The following TMEM131 variants were observed in gnomAD, a reference collection of about 807,000 sequenced individuals.
TMEM131 encodes the protein transmembrane protein 131.
In TMEM131, 66 loss-of-function variants were observed where a neutral mutation model predicts 211.6. That is an observed-to-expected ratio of 0.31 (90% CI 0.26 to 0.38). TMEM131 has a LOEUF of 0.38. Ranked by LOEUF, TMEM131 falls within the 10% of genes least tolerant of loss-of-function variation. The pLI is 1.00. For missense variants in TMEM131, 2,036 were observed against 2,299.3 expected (o/e 0.89, Z 2.34); for synonymous variants, 844 against 841.3 (o/e 1.00, Z -0.06).
intron 31 of TMEM131, among the ~76,000 whole-genome samples, chr2:97,777,820 ACCAAACCAAG>A (rs976230144): frequency 4.6e-5 from 7 of 152,018 alleles, no homozygotes; most frequent in South Asian, 2.1e-4. Context: ...GCCTCAAAAA[ACCAAACCAAG>A]CCAAACCAAG....
intron 11 of TMEM131, among the ~76,000 whole-genome samples, chr2:97,832,739 G>A (rs1198889067): frequency 6.6e-6 from 1 of 152,172 alleles, no homozygotes; most frequent in South Asian, 2.1e-4. Flanking sequence ...AGGGAGAGAC[G>A]TTGTGGGCCA....
At chr2:97,966,582 C>T (rs1461061733) in intron 1 of TMEM131, among the ~76,000 whole-genome samples, 2 of 152,126 alleles carry the variant, frequency 1.3e-5, no homozygotes, top group South Asian at 2.1e-4. Context: ...ACATGGATTA[C>T]CTTCAGACTA....
At chr2:97,812,591 C>G (rs1318504395) in intron 16 of TMEM131, 36 bp from the exon 17 acceptor site, 1 of 1,593,306 alleles carries the variant, frequency 6.3e-7, no homozygotes, top group Non-Finnish European at 8.5e-7. Context: ...TATCACAACA[C>G]AAGCATAAAA....
At position 97,814,219 on chromosome 2, in the gene TMEM131, G is replaced by C; in HGVS notation, c.1446+16C>G. On this transcript the variant is annotated intron_variant, in intron 14 of 40. Coordinates refer to ENST00000186436, the MANE Select transcript of TMEM131 (RefSeq NM_015348.2). ...TAGACCAGGAAAATTAAAAGTATGA[G>C]GGCTCCTGGACATACTTTAAACATT... The C allele has an allele frequency of 6.2e-7, 1 of 1,611,210 alleles. No homozygotes were observed. Among genetic ancestry groups the C allele is most frequent in the Non-Finnish European group, 8.5e-7 (1 of 1,178,176 alleles).
At chr2:97,982,043 G>A (rs192901053) in intron 1 of TMEM131, among the ~76,000 whole-genome samples, 2 of 152,262 alleles carry the variant, frequency 1.3e-5, no homozygotes, top group Admixed American at 1.3e-4. Flanking sequence ...TTTCTTTGGA[G>A]TATATACTAA....
At chr2:97,785,190 C>G (rs1275595823) in intron 31 of TMEM131, among the ~76,000 whole-genome samples, 2 of 152,072 alleles carry the variant, frequency 1.3e-5, no homozygotes, top group Non-Finnish European at 2.9e-5. Context: ...ACAAGATGAA[C>G]TCAAAATGAA....
intron 11 of TMEM131, chr2:97,827,239 G>A (rs1226258577): frequency 3.1e-5 from 24 of 767,596 alleles, no homozygotes; most frequent in Admixed American, 2.2e-4. Flanking sequence ...CGCCTTCCCC[G>A]CCGCCAGGAT....
At chr2:97,762,232 G>A (rs1466465363) in intron 35 of TMEM131, 32 bp from the exon 36 acceptor site, 4 of 1,608,884 alleles carry the variant, frequency 2.5e-6, no homozygotes, top group African/African-American at 2.7e-5. Context: ...GCTCGTTAGT[G>A]TGGTGTTTTG....
intron 3 of TMEM131, among the ~76,000 whole-genome samples, chr2:97,907,861 G>A (rs1008137121): frequency 6.6e-6 from 1 of 152,180 alleles, no homozygotes; most frequent in African/African-American, 2.4e-5. Context: ...TGCCTGACTA[G>A]TTGTTTCTGG....
chr2:97,757,496 G>T, intron 40 of TMEM131, 113 bp from the exon 41 acceptor site: 1 of 1,206,452 alleles, frequency 8.3e-7, no homozygotes, highest in Non-Finnish European at 1.1e-6. Flanking sequence ...CTCTTACTTT[G>T]TTTACTTTAG....
intron 2 of TMEM131, among the ~76,000 whole-genome samples, chr2:97,920,704 T>C (rs937292588): frequency 1.4e-4 from 21 of 152,188 alleles, no homozygotes; most frequent in Non-Finnish European, 2.8e-4. Context: ...AGCAATATGC[T>C]TCAACCTAAT....
intron 1 of TMEM131, among the ~76,000 whole-genome samples, chr2:97,994,681 T>C (rs929525603): frequency 2.6e-5 from 4 of 152,194 alleles, no homozygotes; most frequent in African/African-American, 9.7e-5. Context: ...CAAAAAGAGG[T>C]AGTGTAGATG....
intron 35 of TMEM131, among the ~76,000 whole-genome samples, chr2:97,765,882 A>C (rs910878067): frequency 6.6e-6 from 1 of 152,168 alleles, no homozygotes; most frequent in African/African-American, 2.4e-5. Flanking sequence ...GAAAAAAAAA[A>C]AGCCCTGATG....
intron 35 of TMEM131, 183 bp from the exon 36 acceptor site, chr2:97,762,383 C>G (rs1239154918): frequency 1.0e-5 from 6 of 584,900 alleles, no homozygotes; most frequent in Non-Finnish European, 1.4e-5. Context: ...TCTCTCTGCA[C>G]TCGGGGATTT....
At chr2:97,776,972 G>A (rs150274609) in intron 31 of TMEM131, among the ~76,000 whole-genome samples, 2 of 152,334 alleles carry the variant, frequency 1.3e-5, no homozygotes. Context: ...TGGACAGAGA[G>A]TAAAATGGAC....
At chr2:97,964,851 G>A (rs1370662232) in intron 1 of TMEM131, among the ~76,000 whole-genome samples, 2 of 152,084 alleles carry the variant, frequency 1.3e-5, no homozygotes, top group East Asian at 3.8e-4. Context: ...GCAAACTTTG[G>A]GAAAACACTG....
intron 4 of TMEM131, among the ~76,000 whole-genome samples, chr2:97,875,952 CAA>C (rs1221756603): frequency 6.6e-6 from 1 of 152,008 alleles, no homozygotes; most frequent in Middle Eastern, 3.2e-3. Context: ...AAAAGGTCAA[CAA>C]AATAGATAGA....
intron 2 of TMEM131, among the ~76,000 whole-genome samples, chr2:97,916,146 C>T (rs940043090): frequency 8.5e-5 from 13 of 152,106 alleles, no homozygotes; most frequent in Non-Finnish European, 1.8e-4. Context: ...AAACTCCTGA[C>T]CTCAAATGAT....
intron 5 of TMEM131, among the ~76,000 whole-genome samples, chr2:97,844,667 T>C (rs1433348139): frequency 6.6e-6 from 1 of 152,152 alleles, no homozygotes; most frequent in Non-Finnish European, 1.5e-5. Context: ...CTCAACCTTA[T>C]GAAATCTGCC....
Sources: allele counts gnomAD v4.1 joint callset (sites outside exome capture counted in the v4.1 genomes callset), GRCh38; gene constraint gnomAD v4.1.1; transcripts MANE v1.5; gene names NCBI Gene and HGNC (gene_info 2026-07-23, HGNC 2026-07-21).